Variants in DTNB observed in about 807,000 individuals in gnomAD.
DTNB encodes dystrobrevin beta.
A neutral mutation model predicts 90.7 loss-of-function variants in DTNB; 63 were observed. The ratio of observed to expected loss-of-function variants is 0.69; its 90% CI spans 0.57 to 0.86. The LOEUF (loss-of-function observed/expected upper bound fraction) is 0.86, where lower values mean the gene tolerates loss of function less well. DTNB is among the 40% of genes least tolerant of loss of function. The pLI is 0.00. For synonymous variants in DTNB, 277 were observed against 286.7 expected (o/e 0.97, Z 0.34); for missense variants, 744 against 807.1 (o/e 0.92, Z 0.95).
At chr2:25,511,889 G>A (rs1182935949) in intron 9 of DTNB, among the ~76,000 whole-genome samples, 1 of 152,042 alleles carries the variant, frequency 6.6e-6, no homozygotes, top group African/African-American at 2.4e-5. Flanking sequence ...TTAAACATGA[G>A]GTGGTCACAG....
At chr2:25,614,183 T>C (rs1043983485) in intron 4 of DTNB, among the ~76,000 whole-genome samples, 2 of 152,196 alleles carry the variant, frequency 1.3e-5, no homozygotes, top group Admixed American at 1.3e-4. Context: ...ATTTCTTCCA[T>C]GTGACAATGG....
intron 2 of DTNB, among the ~76,000 whole-genome samples, chr2:25,640,585 T>G (rs1389635778): frequency 2.6e-5 from 4 of 152,186 alleles, no homozygotes; most frequent in African/African-American, 9.7e-5. Flanking sequence ...CAGTCCCACT[T>G]TCTCTTTTTA....
intron 5 of DTNB, among the ~76,000 whole-genome samples, chr2:25,604,874 C>A (rs1291609755): frequency 3.3e-5 from 5 of 152,184 alleles, no homozygotes; most frequent in Non-Finnish European, 7.3e-5. Context: ...GCGGGAGCCA[C>A]TGCACCCGGC....
intron 18 of DTNB, among the ~76,000 whole-genome samples, chr2:25,385,275 T>C (rs2039157601): frequency 6.6e-6 from 1 of 152,204 alleles, no homozygotes; most frequent in African/African-American, 2.4e-5. Context: ...ATACACTGTA[T>C]AGAATATATG....
intron 16 of DTNB, among the ~76,000 whole-genome samples, chr2:25,397,700 C>T (rs1301705203): frequency 1.3e-5 from 2 of 151,866 alleles, no homozygotes; most frequent in Non-Finnish European, 1.5e-5. Context: ...GCCAACATGG[C>T]GAAACCCTGT....
At chr2:25,576,030 A>G (rs559573999) in intron 8 of DTNB, among the ~76,000 whole-genome samples, 7 of 152,320 alleles carry the variant, frequency 4.6e-5, no homozygotes, top group African/African-American at 1.7e-4. Flanking sequence ...CCAATGTGGC[A>G]ATGGTTGTAA....
At position 25,452,943 on chromosome 2, in the gene DTNB, G is replaced by A. The variant is rs539258904; in HGVS notation, c.1170-1308C>T. ...TAATAAGAACAGACTACTATTAGGC[G>A]GCTTTAATATTTTAGGGTCAAGGCC... On this transcript the variant is annotated intron_variant, in intron 11 of 20. Transcript: ENST00000406818. Among the ~76,000 whole-genome samples, 52 of 151,698 alleles carry A rather than the reference G, an allele frequency of 3.4e-4. 1 individual carries two copies. Among genetic ancestry groups the A allele is most frequent in the Non-Finnish European group, 6.5e-4 (44 of 67,952 alleles).
chr2:25,498,774 G>GGAGGTT (rs2069641345), intron 9 of DTNB, among the ~76,000 whole-genome samples: 1 of 150,396 alleles, frequency 6.6e-6, no homozygotes, highest in African/African-American at 2.5e-5. Context: ...CTTGAGCCTG[G>GGAGGTT]GAGGTTGAGG....
At chr2:25,557,775 G>T (rs1411412185) in intron 8 of DTNB, among the ~76,000 whole-genome samples, 4 of 152,102 alleles carry the variant, frequency 2.6e-5, no homozygotes, top group African/African-American at 9.7e-5. Flanking sequence ...AATTGAGACA[G>T]GGGTAAAACT....
chr2:25,545,710 C>T (rs1321531359), intron 8 of DTNB, among the ~76,000 whole-genome samples: 1 of 152,162 alleles, frequency 6.6e-6, no homozygotes, highest in East Asian at 1.9e-4. Flanking sequence ...CAGCCTCCGC[C>T]TCCCGGGTTC....
At chr2:25,433,823 G>C in intron 13 of DTNB, 87 bp downstream of exon 13, 2 of 1,509,974 alleles carry the variant, frequency 1.3e-6, no homozygotes, top group East Asian at 2.3e-5. Context: ...GCGGTCAAAA[G>C]CCACCTAGTA....
chr2:25,459,885 A>G (rs964473635), intron 10 of DTNB, among the ~76,000 whole-genome samples: 5 of 152,094 alleles, frequency 3.3e-5, no homozygotes, highest in African/African-American at 1.2e-4. Context: ...AGGTGGGAGG[A>G]TCACTTGAGC....
At chr2:25,540,824 A>C (rs1484122335) in intron 8 of DTNB, among the ~76,000 whole-genome samples, 1 of 152,082 alleles carries the variant, frequency 6.6e-6, no homozygotes, top group Non-Finnish European at 1.5e-5. Context: ...GTGCTTTGTT[A>C]AACAGATGCT....
chr2:25,589,884 C>T (rs1414949875), intron 6 of DTNB, among the ~76,000 whole-genome samples: 2 of 152,216 alleles, frequency 1.3e-5, no homozygotes, highest in Admixed American at 1.3e-4. Context: ...ACGCTACCAG[C>T]CTGGATCCCA....
intron 14 of DTNB, among the ~76,000 whole-genome samples, chr2:25,429,715 C>A (rs2053214550): frequency 6.6e-6 from 1 of 152,130 alleles, no homozygotes; most frequent in Non-Finnish European, 1.5e-5. Flanking sequence ...TCCAGTATCA[C>A]CTAATTAACA....
chr2:25,561,322 CCACA>C (rs1258743856), intron 8 of DTNB, among the ~76,000 whole-genome samples: 1 of 152,204 alleles, frequency 6.6e-6, no homozygotes, highest in African/African-American at 2.4e-5. Context: ...CTGCCTTCAC[CCACA>C]CAATGTGTGG....
intron 8 of DTNB, among the ~76,000 whole-genome samples, chr2:25,576,318 C>T (rs1425967601): frequency 3.3e-5 from 5 of 151,004 alleles, no homozygotes; most frequent in East Asian, 3.9e-4. Flanking sequence ...CTCCACCTCC[C>T]GGGTTCACGC....
chr2:25,622,575 C>A (rs2073038786), intron 4 of DTNB, among the ~76,000 whole-genome samples: 1 of 152,136 alleles, frequency 6.6e-6, no homozygotes. Flanking sequence ...ACCCCATACT[C>A]CTACGTGGGA....
chr2:25,415,244 C>CTT (rs34257264), intron 16 of DTNB, among the ~76,000 whole-genome samples: 10,375 of 123,444 alleles, frequency 0.084, 586 homozygotes, highest in South Asian at 0.12. Flanking sequence ...ATAAGAGCTT[C>CTT]TTTTTTTTTT....
Sources: gnomAD v4.1 joint callset for allele counts (sites outside exome capture counted in the v4.1 genomes callset) on GRCh38, gnomAD v4.1.1 for gene constraint, MANE v1.5 for transcripts, NCBI Gene and HGNC (gene_info 2026-07-23, HGNC 2026-07-21) for gene names.